PDE4D: variants seen among roughly 807,000 people sequenced by gnomAD.
PDE4D encodes 3',5'-cyclic-AMP phosphodiesterase 4D.
In PDE4D, 24 loss-of-function variants were observed where a neutral mutation model predicts 87.4. The observed-to-expected ratio is 0.27, with a 90% CI of 0.20 to 0.39. The LOEUF is 0.39. Among genes scored for constraint, PDE4D ranks in the 10% least tolerant of loss-of-function variants. The probability of loss-of-function intolerance (pLI) is 1.00; values close to 1 mark genes in which losing one functional copy is unlikely to be tolerated. For missense variants in PDE4D, 714 were observed against 1,041.0 expected (o/e 0.69, Z 4.32); for synonymous variants, 384 against 383.2 (o/e 1.00, Z -0.02).
At chr5:59,030,496 T>C (rs1423028672) in intron 6 of PDE4D, among the ~76,000 whole-genome samples, 1 of 150,306 alleles carries the variant, frequency 6.7e-6, no homozygotes, top group Non-Finnish European at 1.5e-5. Context: ...TCCCAGTGCT[T>C]TGGGAGGCTG....
At chr5:60,213,698 G>C (rs1410640170) in intron 1 of PDE4D, among the ~76,000 whole-genome samples, 1 of 152,060 alleles carries the variant, frequency 6.6e-6, no homozygotes, top group Non-Finnish European at 1.5e-5. Context: ...AGTAGCCTTG[G>C]CTGCTGCGTT....
intron 1 of PDE4D, among the ~76,000 whole-genome samples, chr5:59,836,915 C>T (rs1342780421): frequency 1.3e-5 from 2 of 151,876 alleles, no homozygotes; most frequent in African/African-American, 4.8e-5. Flanking sequence ...TTCTTTGCAC[C>T]CTCAGAGGCT....
rs185962513 is a variant in PDE4D at position 60,007,461 on chromosome 5, G to T, written c.43-18744C>A. On this transcript the variant is annotated intron_variant, in intron 2 of 16. Coordinates refer to the PDE4D transcript ENST00000502484. ...AGATATAAGATATAGTTAAATATCA[G>T]AAAAATCTCAACTATTGGATATTTT... Among the ~76,000 whole-genome samples the T allele has an allele frequency of 2.9e-3, 437 of 152,064 alleles. 3 individuals are homozygous for T. The highest frequency in any genetic ancestry group is 4.6e-3 in the Non-Finnish European group (310 of 67,886).
rs555019427 is a variant in PDE4D, at chr5:60,265,773, A to C, written c.-89-80086T>G. ...CCATTAACACCTTGCTCCTTCAAAAAATGCTGTACTTGCTCTGAGACATCA... is the reference window on the plus strand; with the variant it reads ...CCATTAACACCTTGCTCCTTCAAAACATGCTGTACTTGCTCTGAGACATCA... On this transcript the variant is annotated intron_variant, in intron 1 of 16. Transcript: ENST00000502484. Among the ~76,000 whole-genome samples, 38 of 152,246 alleles carry C rather than the reference A, an allele frequency of 2.5e-4. No individual in the cohort carries two copies. The East Asian group carries it at 6.8e-3, about 27-fold the overall frequency.
intron 5 of PDE4D, among the ~76,000 whole-genome samples, chr5:59,115,740 T>C (rs924167656): frequency 6.6e-6 from 1 of 152,172 alleles, no homozygotes; most frequent in African/African-American, 2.4e-5. Context: ...AATTGAGGTA[T>C]AATAGATATC....
chr5:60,188,794 C>A (rs2149516528), intron 1 of PDE4D, among the ~76,000 whole-genome samples: 1 of 152,308 alleles, frequency 6.6e-6, no homozygotes, highest in Non-Finnish European at 1.5e-5. Flanking sequence ...GTAAATTGCC[C>A]AGGAATGGCA....
chr5:59,779,277 A>C (rs1764376408), intron 1 of PDE4D, among the ~76,000 whole-genome samples: 1 of 152,186 alleles, frequency 6.6e-6, no homozygotes, highest in Non-Finnish European at 1.5e-5. Flanking sequence ...AAATGTTAAA[A>C]GTTCTGCAGA....
intron 1 of PDE4D, among the ~76,000 whole-genome samples, chr5:60,224,964 C>G (rs774509849): frequency 3.0e-4 from 45 of 152,048 alleles, no homozygotes; most frequent in Non-Finnish European, 5.4e-4. Flanking sequence ...ATTATAGCAT[C>G]ACCCCTATTC....
intron 1 of PDE4D, among the ~76,000 whole-genome samples, chr5:60,314,590 C>G (rs112084143): frequency 1.3e-5 from 2 of 152,094 alleles, no homozygotes; most frequent in Non-Finnish European, 2.9e-5. Context: ...CATCCATTAA[C>G]TCATCATTTA....
At chr5:60,349,699 C>T (rs1759023029) in intron 1 of PDE4D, among the ~76,000 whole-genome samples, 1 of 152,124 alleles carries the variant, frequency 6.6e-6, no homozygotes, top group Non-Finnish European at 1.5e-5. Flanking sequence ...CCATTCTTTC[C>T]AACAGAGCTG....
intron 1 of PDE4D, among the ~76,000 whole-genome samples, chr5:59,876,186 A>G (rs1316296550): frequency 6.6e-6 from 1 of 152,174 alleles, no homozygotes. Flanking sequence ...CATCTAGAGA[A>G]AAGGGTATAT....
chr5:59,427,025 ACACACACACACACACACACACAC>A (rs1208079253), intron 1 of PDE4D, among the ~76,000 whole-genome samples: 1 of 149,218 alleles, frequency 6.7e-6, no homozygotes, highest in African/African-American at 2.5e-5. Flanking sequence ...ACACACACAC[ACACACACACACACACACACACAC>A]ATTACATATA....
intron 1 of PDE4D, among the ~76,000 whole-genome samples, chr5:59,743,518 A>AACAC (rs60606569): frequency 6.6e-6 from 1 of 151,788 alleles, no homozygotes; most frequent in South Asian, 2.1e-4. Flanking sequence ...AGCTACTGTA[A>AACAC]ACACACACAC....
intron 1 of PDE4D, among the ~76,000 whole-genome samples, chr5:60,470,934 T>C (rs1163110511): frequency 6.6e-6 from 1 of 152,216 alleles, no homozygotes; most frequent in Non-Finnish European, 1.5e-5. Context: ...AGGAGTAATT[T>C]TGACTTTCAA....
chr5:60,080,571 T>C (rs931190026), intron 2 of PDE4D, among the ~76,000 whole-genome samples: 1 of 152,214 alleles, frequency 6.6e-6, no homozygotes, highest in African/African-American at 2.4e-5. Flanking sequence ...ACCTAGTTTA[T>C]TGTGAGTTTT....
chr5:59,097,193 C>T (rs1014960437), intron 5 of PDE4D, among the ~76,000 whole-genome samples: 2 of 152,178 alleles, frequency 1.3e-5, no homozygotes, highest in African/African-American at 4.8e-5. Flanking sequence ...ACCAAAGAGA[C>T]AAACAGACAC....
intron 1 of PDE4D, among the ~76,000 whole-genome samples, chr5:59,694,769 G>A (rs1751504442): frequency 6.6e-6 from 1 of 152,180 alleles, no homozygotes; most frequent in African/African-American, 2.4e-5. Flanking sequence ...TGAAGAGCAA[G>A]ATTAAAATGT....
At chr5:59,968,651 A>C (rs1760344535) in intron 3 of PDE4D, among the ~76,000 whole-genome samples, 1 of 139,306 alleles carries the variant, frequency 7.2e-6, no homozygotes, top group Non-Finnish European at 1.6e-5. Flanking sequence ...TTTGGATAGA[A>C]TACAAAATAA....
At chr5:59,272,370 A>C (rs1329589444) in intron 1 of PDE4D, among the ~76,000 whole-genome samples, 2 of 152,110 alleles carry the variant, frequency 1.3e-5, no homozygotes, top group South Asian at 4.1e-4. Flanking sequence ...ATATCAAGGA[A>C]TATGTAAGGT....
Sources: gnomAD v4.1 joint callset for allele counts (sites outside exome capture counted in the v4.1 genomes callset) on GRCh38, gnomAD v4.1.1 for gene constraint, MANE v1.5 for transcripts, NCBI Gene and HGNC (gene_info 2026-07-23, HGNC 2026-07-21) for gene names.